The following GALNTL6 variants were observed in gnomAD, a reference collection of about 807,000 sequenced individuals.
GALNTL6 encodes the protein polypeptide N-acetylgalactosaminyltransferase-like 6.
Under a neutral mutation model 73.7 loss-of-function variants are expected in GALNTL6, and 46 were observed. The observed-to-expected ratio is 0.62, with a 90% confidence interval of 0.49 to 0.80. GALNTL6 has a LOEUF of 0.80. GALNTL6 is among the 30% of genes least tolerant of loss of function. The probability of loss-of-function intolerance (pLI) is 0.00; values close to 1 mark genes in which losing one functional copy is unlikely to be tolerated. For synonymous variants in GALNTL6, 259 were observed against 263.7 expected (o/e 0.98, Z 0.17); for missense variants, 604 against 755.0 (o/e 0.80, Z 2.34).
intron 5 of GALNTL6, among the ~76,000 whole-genome samples, chr4:172,594,843 A>G (rs1430676331): frequency 1.3e-5 from 2 of 152,324 alleles, no homozygotes; most frequent in South Asian, 2.1e-4. Flanking sequence ...CTCTTGGGAA[A>G]TATCCTTATT....
At chr4:172,316,603 G>A (rs1409890991) in intron 4 of GALNTL6, among the ~76,000 whole-genome samples, 1 of 152,110 alleles carries the variant, frequency 6.6e-6, no homozygotes, top group Non-Finnish European at 1.5e-5. Context: ...ACAACCTTTT[G>A]GATTATATGA....
rs185530357 is a variant in GALNTL6 at position 172,460,964 on chromosome 4, A to T, written c.553+112275A>T. Among the ~76,000 whole-genome samples, 67 of 152,278 alleles carry T rather than the reference A, an allele frequency of 4.4e-4. 1 individual carries two copies. Among genetic ancestry groups the T allele is most frequent in the Non-Finnish European group, 1.2e-4 (8 of 68,032 alleles). ...TCACAATAGCAAAAGCTTGGAACCAACCCAAATGCCCATCAATGATAGATT... is the reference window on the plus strand; with the variant it reads ...TCACAATAGCAAAAGCTTGGAACCATCCCAAATGCCCATCAATGATAGATT... On this transcript the variant is annotated intron_variant, in intron 5 of 12. Coordinates refer to ENST00000506823, the MANE Select transcript of GALNTL6 (RefSeq NM_001034845.3).
chr4:172,193,631 G>A (rs1326878629), intron 2 of GALNTL6, among the ~76,000 whole-genome samples: 5 of 152,146 alleles, frequency 3.3e-5, no homozygotes, highest in Non-Finnish European at 5.9e-5. Flanking sequence ...GGGAGGCCGA[G>A]GCGGGTGGAT....
chr4:171,949,326 G>A lies in GALNTL6; in HGVS notation c.138+134608G>A, dbSNP rs184446003. Among the ~76,000 whole-genome samples, 3 of 152,232 alleles carry A rather than the reference G, an allele frequency of 2.0e-5. No homozygotes were observed. In the East Asian group the frequency reaches 5.8e-4, roughly 29 times the overall value. The stretch of plus-strand genomic sequence containing the variant: ...TTTTTACCTGGGCTCTTTCTTGAGT[G>A]GTCCCCAAGTACTCACTTTAGAAAT... On this transcript the variant is annotated intron_variant, in intron 2 of 12. Transcript: ENST00000506823.
chr4:172,944,819 G>T (rs576968963), intron 9 of GALNTL6, among the ~76,000 whole-genome samples: 1 of 152,256 alleles, frequency 6.6e-6, no homozygotes, highest in South Asian at 2.1e-4. Context: ...ACTTTGGGAG[G>T]CTGAGACAGG....
chr4:172,930,224 G>A (rs1748258842), intron 8 of GALNTL6, among the ~76,000 whole-genome samples: 1 of 151,926 alleles, frequency 6.6e-6, no homozygotes, highest in Non-Finnish European at 1.5e-5. Context: ...GTTTCAGTGA[G>A]CTGAGATCAC....
At chr4:171,860,004 A>T (rs1319505458) in intron 2 of GALNTL6, among the ~76,000 whole-genome samples, 1 of 152,226 alleles carries the variant, frequency 6.6e-6, no homozygotes, top group African/African-American at 2.4e-5. Flanking sequence ...GCTGGCCAAA[A>T]TTCAGTCCTG....
At chr4:171,830,737 A>G (rs1442952052) in intron 2 of GALNTL6, among the ~76,000 whole-genome samples, 2 of 152,158 alleles carry the variant, frequency 1.3e-5, no homozygotes, top group African/African-American at 2.4e-5. Context: ...TGACTATGCT[A>G]TAGAAGATAT....
chr4:172,376,982 G>T (rs966498903), intron 5 of GALNTL6, among the ~76,000 whole-genome samples: 37 of 152,112 alleles, frequency 2.4e-4, no homozygotes, highest in Non-Finnish European at 8.8e-5. Context: ...GCTCATAAAG[G>T]CAGCGCAGAC....
intron 5 of GALNTL6, among the ~76,000 whole-genome samples, chr4:172,366,571 C>G (rs145388909): frequency 6.6e-6 from 1 of 152,028 alleles, no homozygotes; most frequent in African/African-American, 2.4e-5. Flanking sequence ...AGTACATGAA[C>G]GCTGACATCC....
At chr4:172,731,944 GT>G (rs911638699) in intron 5 of GALNTL6, among the ~76,000 whole-genome samples, 1 of 151,956 alleles carries the variant, frequency 6.6e-6, no homozygotes, top group African/African-American at 2.4e-5. Context: ...GCACAGGCTT[GT>G]TTTGTGGCTC....
At chr4:172,639,930 C>T (rs912852815) in intron 5 of GALNTL6, among the ~76,000 whole-genome samples, 3 of 152,066 alleles carry the variant, frequency 2.0e-5, no homozygotes, top group African/African-American at 7.2e-5. Context: ...TTAGATCATG[C>T]CAACAGCTTA....
At chr4:172,210,513 T>C (rs1736286639) in intron 2 of GALNTL6, among the ~76,000 whole-genome samples, 1 of 152,146 alleles carries the variant, frequency 6.6e-6, no homozygotes, top group South Asian at 2.1e-4. Context: ...AATGTCCCTC[T>C]ATTGGGATTT....
In GALNTL6 at chr4:172,932,765, G is replaced by A. The variant is rs144333304; in HGVS notation, c.1149+1497G>A. 3.2e-3 allele frequency among the ~76,000 whole-genome samples: 493 copies of A among 152,208 alleles called. 3 individuals carry two copies. The highest frequency in any genetic ancestry group is 0.011 in the African/African-American group (466 of 41,534). On this transcript the variant is annotated intron_variant, in intron 9 of 12. Coordinates refer to ENST00000506823, the MANE Select transcript of GALNTL6 (RefSeq NM_001034845.3). Reference sequence around the variant, plus strand: ...TTTATACAATATTTTTAATAATTTTGTGCATGAAACCAAATTTGCGTTAGT... The same window carrying A: ...TTTATACAATATTTTTAATAATTTTATGCATGAAACCAAATTTGCGTTAGT...
At position 172,210,799 on chromosome 4, in the gene GALNTL6, T is replaced by C. The variant is rs535491486; in HGVS notation, c.139-18857T>C. On this transcript the variant is annotated intron_variant, in intron 2 of 12. Coordinates refer to ENST00000506823, the MANE Select transcript of GALNTL6 (RefSeq NM_001034845.3). Reference sequence around the variant, plus strand: ...CCTAGTTGAGGGTGGAATATGTACATAATTAATTGGAATTCTTCTGCAAGA... The same window carrying C: ...CCTAGTTGAGGGTGGAATATGTACACAATTAATTGGAATTCTTCTGCAAGA... Among the ~76,000 whole-genome samples, 129 of 152,310 alleles carry C rather than the reference T, an allele frequency of 8.5e-4. 1 individual carries two copies. The highest frequency in any genetic ancestry group is 2.9e-3 in the African/African-American group (121 of 41,584).
At chr4:171,967,497 C>T (rs1457062979) in intron 2 of GALNTL6, among the ~76,000 whole-genome samples, 1 of 127,712 alleles carries the variant, frequency 7.8e-6, no homozygotes, top group African/African-American at 3.0e-5. Flanking sequence ...ATGTTATTCT[C>T]AGAGAAAATA....
chr4:172,481,139 G>C (rs1267772174), intron 5 of GALNTL6, among the ~76,000 whole-genome samples: 2 of 152,072 alleles, frequency 1.3e-5, no homozygotes, highest in African/African-American at 4.8e-5. Context: ...TCTTCCTTCT[G>C]GTGGGTTCGT....
At chr4:173,037,240 T>C (rs1171098767) in intron 12 of GALNTL6, among the ~76,000 whole-genome samples, 5 of 152,350 alleles carry the variant, frequency 3.3e-5, no homozygotes, top group Admixed American at 1.3e-4. Flanking sequence ...GTTTGACACC[T>C]CGTCATTTGT....
chr4:172,314,238 T>C (rs1740465605), intron 4 of GALNTL6, among the ~76,000 whole-genome samples: 1 of 152,242 alleles, frequency 6.6e-6, no homozygotes, highest in East Asian at 1.9e-4. Flanking sequence ...GTGTGACTTT[T>C]AAAATAAAAC....
Sources: gnomAD v4.1 joint callset for allele counts (sites outside exome capture counted in the v4.1 genomes callset) on GRCh38, gnomAD v4.1.1 for gene constraint, MANE v1.5 for transcripts, NCBI Gene and HGNC (gene_info 2026-07-23, HGNC 2026-07-21) for gene names.